STPG2: variants seen among roughly 807,000 people sequenced by gnomAD.
STPG2 encodes sperm tail PG-rich repeat containing 2.
A neutral mutation model predicts 54.2 loss-of-function variants in STPG2; 56 were observed. The observed-to-expected ratio is 1.03, with a 90% confidence interval of 0.83 to 1.29. STPG2 has a LOEUF of 1.29. Ranked by LOEUF, STPG2 falls within the 50% of genes most tolerant of loss-of-function variation. The pLI is 0.00. For synonymous variants in STPG2, 200 were observed against 181.8 expected, an observed-to-expected ratio of 1.10 and a Z score of -0.81; for missense variants, 596 against 544.9, an observed-to-expected ratio of 1.09 and a Z score of -0.93.
At chr4:97,562,147 G>A (rs1481040099) in intron 10 of STPG2, among the ~76,000 whole-genome samples, 1 of 152,186 alleles carries the variant, frequency 6.6e-6, no homozygotes, top group African/African-American at 2.4e-5. Context: ...TCCTTGAAGA[G>A]GTCCTTCACG....
intron 5 of STPG2, among the ~76,000 whole-genome samples, chr4:98,022,285 T>A (rs1031388469): frequency 1.3e-5 from 2 of 151,206 alleles, no homozygotes; most frequent in African/African-American, 4.8e-5. Context: ...GAAGCTTAGT[T>A]TGGCTGGATA....
At chr4:98,011,598 T>C (rs1735753071) in intron 5 of STPG2, among the ~76,000 whole-genome samples, 1 of 152,242 alleles carries the variant, frequency 6.6e-6, no homozygotes, top group African/African-American at 2.4e-5. Context: ...GCATTCCTAC[T>C]TTTCCACAGC....
chr4:97,765,406 C>T (rs958780221), intron 9 of STPG2, among the ~76,000 whole-genome samples: 3 of 152,102 alleles, frequency 2.0e-5, no homozygotes, highest in Admixed American at 6.6e-5. Context: ...TGATATGTGA[C>T]AGTAAATCCC....
chr4:98,077,646 T>C (rs1738214456), intron 5 of STPG2, among the ~76,000 whole-genome samples: 1 of 152,206 alleles, frequency 6.6e-6, no homozygotes, highest in Non-Finnish European at 1.5e-5. Flanking sequence ...AAAGAAATGT[T>C]ACTACATATG....
chr4:97,605,888 G>A (rs763727307), intron 10 of STPG2, among the ~76,000 whole-genome samples: 2 of 151,378 alleles, frequency 1.3e-5, no homozygotes, highest in African/African-American at 2.4e-5. Flanking sequence ...ATCTCAAAAC[G>A]TTCCACAAAA....
intron 10 of STPG2, among the ~76,000 whole-genome samples, chr4:97,607,680 A>C (rs1733629553): frequency 6.6e-6 from 1 of 152,054 alleles, no homozygotes; most frequent in Non-Finnish European, 1.5e-5. Context: ...AAGACTAGAA[A>C]TGCACAAGTT....
At chr4:97,568,966 CA>C (rs1383044001) in intron 10 of STPG2, among the ~76,000 whole-genome samples, 4 of 151,110 alleles carry the variant, frequency 2.6e-5, no homozygotes, top group African/African-American at 9.7e-5. Flanking sequence ...ATCCAGACCC[CA>C]AAAAAGGGTT....
intron 7 of STPG2, among the ~76,000 whole-genome samples, chr4:97,949,765 A>C (rs1215822139): frequency 6.6e-6 from 1 of 152,210 alleles, no homozygotes; most frequent in Non-Finnish European, 1.5e-5. Context: ...TTAGTCTGAA[A>C]GGTTTTCCCT....
At chr4:98,133,343 G>C (rs1740051714) in intron 2 of STPG2, among the ~76,000 whole-genome samples, 1 of 151,994 alleles carries the variant, frequency 6.6e-6, no homozygotes, top group South Asian at 2.1e-4. Flanking sequence ...AAGATTTTAA[G>C]TCATTGATCT....
Position 97,797,294 on chromosome 4 carries a change from T to C in STPG2, c.1204+43479A>G, listed in dbSNP as rs561169056. Among the ~76,000 whole-genome samples the C allele has an allele frequency of 5.3e-5, 8 of 152,314 alleles. No individual in the cohort carries two copies. In the South Asian group the frequency reaches 1.0e-3, roughly 20 times the overall value. On this transcript the variant is annotated intron_variant, in intron 9 of 10. Transcript: ENST00000295268. Reference sequence around the variant, plus strand: ...TTTCAAAGGGAATGCTTCCAGTTTTTGCCCATTCAGTATGATATTGGCTGT... The same window carrying C: ...TTTCAAAGGGAATGCTTCCAGTTTTCGCCCATTCAGTATGATATTGGCTGT...
chr4:97,605,926 C>T (rs1170815837), intron 10 of STPG2, among the ~76,000 whole-genome samples: 1 of 151,756 alleles, frequency 6.6e-6, no homozygotes, highest in Non-Finnish European at 1.5e-5. Context: ...TAGTTCAAAG[C>T]CATGGCAATT....
intron 8 of STPG2, among the ~76,000 whole-genome samples, chr4:97,843,543 G>A (rs260902): frequency 0.58 from 88,485 of 151,684 alleles, 26,378 homozygotes; most frequent in East Asian, 0.74. Context: ...TATCTTTATT[G>A]GGTATAGGAC....
chr4:97,843,808 G>A (rs771493809), intron 8 of STPG2, among the ~76,000 whole-genome samples: 2 of 151,844 alleles, frequency 1.3e-5, no homozygotes, highest in Non-Finnish European at 2.9e-5. Context: ...TTTCTGTCAA[G>A]TCAAAGTCTC....
At chr4:97,955,378 C>A (rs939420665) in intron 7 of STPG2, among the ~76,000 whole-genome samples, 1 of 151,938 alleles carries the variant, frequency 6.6e-6, no homozygotes, top group African/African-American at 2.4e-5. Context: ...CCATGCCTGG[C>A]TAATTTTTTT....
intron 5 of STPG2, among the ~76,000 whole-genome samples, chr4:98,068,010 C>G (rs555113149): frequency 6.6e-6 from 1 of 152,218 alleles, no homozygotes; most frequent in East Asian, 1.9e-4. Context: ...ATGACCCAGG[C>G]GTCCAAACCT....
At chr4:97,473,987 C>T (rs1243361653) in intron 4 of STPG2, among the ~76,000 whole-genome samples, 1 of 151,904 alleles carries the variant, frequency 6.6e-6, no homozygotes, top group East Asian at 1.9e-4. Context: ...ATCACTGAAA[C>T]TATTCTATAT....
At chr4:97,730,605 C>A (rs1724765892) in intron 9 of STPG2, among the ~76,000 whole-genome samples, 1 of 152,164 alleles carries the variant, frequency 6.6e-6, no homozygotes. Flanking sequence ...GCCATATATC[C>A]TTACATATGT....
At chr4:98,124,664 T>G (rs34870112) in intron 3 of STPG2, among the ~76,000 whole-genome samples, 60,015 of 151,732 alleles carry the variant, frequency 0.4, 12,099 homozygotes, top group Middle Eastern at 0.46. Flanking sequence ...TCTTTGGGTT[T>G]ATCTCATGTA....
chr4:97,532,310 A>C (rs1731432498), intron 4 of STPG2, among the ~76,000 whole-genome samples: 1 of 152,156 alleles, frequency 6.6e-6, no homozygotes, highest in African/African-American at 2.4e-5. Flanking sequence ...TAAAATGTTC[A>C]CACAACCTAT....
Sources: gnomAD v4.1 joint callset for allele counts (sites outside exome capture counted in the v4.1 genomes callset) on GRCh38, gnomAD v4.1.1 for gene constraint, MANE v1.5 for transcripts, NCBI Gene and HGNC (gene_info 2026-07-23, HGNC 2026-07-21) for gene names.